FMN2: variants seen among roughly 807,000 people sequenced by gnomAD.
The protein encoded by FMN2 is formin 2.
FMN2 carries 51 observed loss-of-function variants against 142.3 expected under a neutral mutation model. The ratio of observed to expected loss-of-function variants is 0.36; its 90% confidence interval spans 0.29 to 0.45. The LOEUF (loss-of-function observed/expected upper bound fraction) is 0.45, where lower values mean the gene tolerates loss of function less well. Ranked by LOEUF, FMN2 falls within the 20% of genes least tolerant of loss-of-function variation. The probability of loss-of-function intolerance (pLI) is 1.00; values close to 1 mark genes in which losing one functional copy is unlikely to be tolerated. For synonymous variants in FMN2, 882 were observed against 869.8 expected (o/e 1.01, Z -0.25); for missense variants, 1,936 against 2,122.8 (o/e 0.91, Z 1.73).
rs961555645 is a variant in FMN2 at position 240,093,367 on chromosome 1, A to G, written c.1258A>G (p.Lys420Glu). The change falls in exon 1 of 18, where the codon AAG becomes GAG. Residue 420 changes from lysine (K) to glutamate (E), a missense_variant. Physicochemically the swap from Lys to Glu is moderately conservative, Grantham distance 56 (BLOSUM62 1). Coordinates refer to ENST00000319653, the MANE Select transcript of FMN2 (RefSeq NM_020066.5). ...PYPLITPCYI[K>E]TTTRQLSSPN... ...CCCGCTCATCACCCCCTGCTACATC[A>G]AGACCACCACCCGGCAGCTCAGCTC... 6.2e-6 allele frequency: 10 copies of G among 1,612,588 alleles called. No individual in the cohort carries two copies. The African/African-American group carries it at 1.2e-4, about 19-fold the overall frequency.
intron 5 of FMN2, among the ~76,000 whole-genome samples, chr1:240,209,062 T>C (rs942423945): frequency 5.3e-5 from 8 of 152,304 alleles, no homozygotes; most frequent in Admixed American, 2.0e-4. Context: ...GTAAGACTGC[T>C]ACTTATTTAT....
intron 2 of FMN2, among the ~76,000 whole-genome samples, chr1:240,156,116 T>G (rs1664015857): frequency 6.6e-6 from 1 of 151,984 alleles, no homozygotes; most frequent in Non-Finnish European, 1.5e-5. Context: ...CCAGGCACAG[T>G]GGTGCATACC....
intron 2 of FMN2, among the ~76,000 whole-genome samples, chr1:240,159,301 C>T (rs1002400634): frequency 2.6e-5 from 4 of 151,952 alleles, no homozygotes; most frequent in East Asian, 1.9e-4. Context: ...TAAAAGGTAT[C>T]GTGTTAATGT....
chr1:240,472,734 C>G (rs1676851122), intron 17 of FMN2, among the ~76,000 whole-genome samples: 1 of 151,860 alleles, frequency 6.6e-6, no homozygotes, highest in Non-Finnish European at 1.5e-5. Flanking sequence ...GTCATGAGGT[C>G]AGGCGATCGA....
chr1:240,285,690 G>A (rs757519612), intron 7 of FMN2, among the ~76,000 whole-genome samples: 8 of 152,062 alleles, frequency 5.3e-5, no homozygotes, highest in African/African-American at 9.7e-5. Context: ...CACGTGTATC[G>A]GAAGGAATTT....
At chr1:240,250,186 C>G (rs2102883728) in intron 6 of FMN2, among the ~76,000 whole-genome samples, 1 of 152,204 alleles carries the variant, frequency 6.6e-6, no homozygotes, top group African/African-American at 2.4e-5. Context: ...AGAGGAAAGG[C>G]TTTCATCTTT....
chr1:240,348,813 G>T (rs1672002035), intron 13 of FMN2, among the ~76,000 whole-genome samples: 1 of 152,188 alleles, frequency 6.6e-6, no homozygotes, highest in Admixed American at 6.6e-5. Flanking sequence ...AAGGTAGTGA[G>T]GCCAGACATC....
intron 14 of FMN2, among the ~76,000 whole-genome samples, chr1:240,365,332 C>T (rs1000658449): frequency 4.0e-5 from 6 of 151,512 alleles, no homozygotes; most frequent in East Asian, 1.9e-4. Flanking sequence ...CACACACACA[C>T]ATTTGTATTT....
chr1:240,277,033 A>T (rs945480020), intron 7 of FMN2, among the ~76,000 whole-genome samples: 1 of 152,178 alleles, frequency 6.6e-6, no homozygotes, highest in Admixed American at 6.5e-5. Context: ...TTAATCCTTG[A>T]TCCTGTTAAA....
intron 1 of FMN2, among the ~76,000 whole-genome samples, chr1:240,102,759 A>C (rs1452464724): frequency 6.6e-6 from 1 of 152,120 alleles, no homozygotes; most frequent in Admixed American, 6.5e-5. Context: ...TATTTTGGGG[A>C]TAGGCAGAGA....
chr1:240,248,934 T>C (rs779688244), intron 6 of FMN2, among the ~76,000 whole-genome samples: 11 of 152,060 alleles, frequency 7.2e-5, no homozygotes, highest in Non-Finnish European at 8.8e-5. Flanking sequence ...TATTTATTTA[T>C]TTACTTACTT....
chr1:240,245,461 A>G (rs1476720803), intron 6 of FMN2: 1 of 466,328 alleles, frequency 2.1e-6, no homozygotes, highest in African/African-American at 2.0e-5. Flanking sequence ...GATACCAGAA[A>G]TGCAGAGGAA....
chr1:240,198,231 T>C (rs1378439838), intron 4 of FMN2, among the ~76,000 whole-genome samples: 1 of 152,218 alleles, frequency 6.6e-6, no homozygotes, highest in Non-Finnish European at 1.5e-5. Context: ...CTTCTCAATA[T>C]GTGAGCAGGA....
At chr1:240,454,538 A>G (rs1676175029) in intron 16 of FMN2, among the ~76,000 whole-genome samples, 1 of 152,134 alleles carries the variant, frequency 6.6e-6, no homozygotes. Context: ...TGAGACTCTC[A>G]CTCTAAAGAA....
chr1:240,470,933 T>A, intron 16 of FMN2, among the ~76,000 whole-genome samples: 1 of 152,224 alleles, frequency 6.6e-6, no homozygotes, highest in Non-Finnish European at 1.5e-5. Flanking sequence ...AAGAACTTTT[T>A]AAATAAAATT....
chr1:240,471,034 C>T (rs1676788919), intron 16 of FMN2, among the ~76,000 whole-genome samples: 1 of 152,094 alleles, frequency 6.6e-6, no homozygotes, highest in African/African-American at 2.4e-5. Context: ...TAGGGAGGTT[C>T]AGGGGTACAA....
rs561789855 is a variant in FMN2, at chr1:240,456,178, A to G, written c.5061-16194A>G. ...TATATACAGTTTTATTCCTAATTTT[A>G]TAGTCCAGACCCATAATCTCTTATC... On this transcript the variant is annotated intron_variant, in intron 16 of 17. Coordinates refer to ENST00000319653, the MANE Select transcript of FMN2 (RefSeq NM_020066.5). Among the ~76,000 whole-genome samples the G allele has an allele frequency of 5.9e-5, 9 of 152,226 alleles. 1 individual carries two copies. In the South Asian group the frequency reaches 1.7e-3, roughly 28 times the overall value.
At chr1:240,219,686 A>G (rs370468036) in intron 6 of FMN2, among the ~76,000 whole-genome samples, 58 of 151,710 alleles carry the variant, frequency 3.8e-4, no homozygotes, top group African/African-American at 1.4e-3. Flanking sequence ...ACGGGGTCTC[A>G]CTCTGTCTCC....
intron 7 of FMN2, among the ~76,000 whole-genome samples, chr1:240,287,786 A>G (rs950626806): frequency 6.6e-6 from 1 of 152,130 alleles, no homozygotes; most frequent in Non-Finnish European, 1.5e-5. Flanking sequence ...TTTGACTTTT[A>G]TTATTTAATC....
Sources: gnomAD v4.1 joint callset for allele counts (sites outside exome capture counted in the v4.1 genomes callset) on GRCh38, gnomAD v4.1.1 for gene constraint, MANE v1.5 for transcripts, NCBI Gene and HGNC (gene_info 2026-07-23, HGNC 2026-07-21) for gene names.